Variants in SLC8A1 observed in about 807,000 individuals in gnomAD.
SLC8A1 encodes sodium/calcium exchanger 1.
In SLC8A1, 18 loss-of-function variants were observed where a neutral mutation model predicts 68.3. The observed-to-expected ratio is 0.26, with a 90% confidence interval of 0.18 to 0.39. The LOEUF is 0.39. SLC8A1 is among the 10% of genes least tolerant of loss of function. The pLI, the probability that SLC8A1 is intolerant of heterozygous loss-of-function variation, is 1.00. For synonymous variants in SLC8A1, 475 were observed against 415.5 expected, an observed-to-expected ratio of 1.14 and a Z score of -1.74; for missense variants, 985 against 1,156.7, an observed-to-expected ratio of 0.85 and a Z score of 2.15.
At chr2:40,247,820 T>G (rs534726682) in intron 2 of SLC8A1, among the ~76,000 whole-genome samples, 90 of 152,194 alleles carry the variant, frequency 5.9e-4, no homozygotes, top group Non-Finnish European at 1.2e-3. Flanking sequence ...AGAAGTTAAG[T>G]GACTTTCTGA....
chr2:40,141,898 T>C (rs993686225), intron 6 of SLC8A1, among the ~76,000 whole-genome samples: 4 of 152,042 alleles, frequency 2.6e-5, no homozygotes, highest in African/African-American at 9.7e-5. Context: ...ACCATGTGAG[T>C]GTCCAGTGAG....
intron 1 of SLC8A1, among the ~76,000 whole-genome samples, chr2:40,450,246 G>T (rs1702185931): frequency 6.6e-6 from 1 of 151,978 alleles, no homozygotes; most frequent in Non-Finnish European, 1.5e-5. Context: ...TCCCTCTTCC[G>T]GCTTTGTCTT....
At chr2:40,229,971 A>G (rs894655890) in intron 2 of SLC8A1, among the ~76,000 whole-genome samples, 11 of 152,140 alleles carry the variant, frequency 7.2e-5, no homozygotes, top group African/African-American at 2.7e-4. Flanking sequence ...TTGTTCTATG[A>G]AAAATCTTAG....
intron 7 of SLC8A1, among the ~76,000 whole-genome samples, chr2:40,131,320 C>T (rs550365687): frequency 5.8e-4 from 88 of 152,224 alleles, no homozygotes; most frequent in Non-Finnish European, 9.7e-4. Flanking sequence ...TGCATAACTT[C>T]TCTGAGACAG....
intron 1 of SLC8A1, among the ~76,000 whole-genome samples, chr2:40,483,642 A>G (rs1704780958): frequency 6.6e-6 from 1 of 152,194 alleles, no homozygotes; most frequent in Non-Finnish European, 1.5e-5. Context: ...GTGAGGCCAC[A>G]TGACTAGGTT....
chr2:40,346,141 G>C (rs892967381), intron 2 of SLC8A1, among the ~76,000 whole-genome samples: 4 of 147,750 alleles, frequency 2.7e-5, no homozygotes, highest in Non-Finnish European at 5.9e-5. Flanking sequence ...GAACCAGAAA[G>C]AGTTTAAGAC....
intron 2 of SLC8A1, among the ~76,000 whole-genome samples, chr2:40,242,226 T>G (rs1419868745): frequency 6.6e-6 from 1 of 152,134 alleles, no homozygotes; most frequent in African/African-American, 2.4e-5. Flanking sequence ...CATTAGAATT[T>G]TACCACAAGC....
exon 8 of SLC8A1, chr2:40,103,882 C>T (rs1019395587): frequency 6.6e-6 from 1 of 152,176 alleles, no homozygotes; most frequent in African/African-American, 2.4e-5. Flanking sequence ...CCAATATGGG[C>T]AGCAGCTGGC....
chr2:40,370,323 T>A (rs975636368), intron 2 of SLC8A1, among the ~76,000 whole-genome samples: 2 of 152,074 alleles, frequency 1.3e-5, no homozygotes, highest in Non-Finnish European at 2.9e-5. Context: ...CCCTAGGGAA[T>A]CAATTTACAT....
At chr2:40,259,245 G>T (rs2064359757) in intron 2 of SLC8A1, among the ~76,000 whole-genome samples, 1 of 146,022 alleles carries the variant, frequency 6.8e-6, no homozygotes, top group Non-Finnish European at 1.5e-5. Flanking sequence ...TTCCAAGGAT[G>T]GAGATAATAG....
chr2:40,267,988 G>T (rs1315936898), intron 2 of SLC8A1, among the ~76,000 whole-genome samples: 1 of 152,122 alleles, frequency 6.6e-6, no homozygotes, highest in African/African-American at 2.4e-5. Context: ...AGTGGGATGA[G>T]AAGAAGAAGG....
intron 6 of SLC8A1, among the ~76,000 whole-genome samples, chr2:40,139,956 A>G (rs2041244040): frequency 6.6e-6 from 1 of 152,198 alleles, no homozygotes; most frequent in Non-Finnish European, 1.5e-5. Flanking sequence ...CTACTTTCAC[A>G]TCTGGTAAGA....
intron 2 of SLC8A1, among the ~76,000 whole-genome samples, chr2:40,279,434 C>A (rs1245992922): frequency 6.6e-6 from 1 of 152,080 alleles, no homozygotes; most frequent in East Asian, 1.9e-4. Context: ...AGAAAAAATT[C>A]CTTAAACTAG....
intron 2 of SLC8A1, among the ~76,000 whole-genome samples, chr2:40,207,373 G>A (rs2055654130): frequency 6.6e-6 from 1 of 151,880 alleles, no homozygotes; most frequent in African/African-American, 2.4e-5. Context: ...GAATGACAAA[G>A]ATACTGGCTT....
intron 2 of SLC8A1, among the ~76,000 whole-genome samples, chr2:40,280,839 A>C (rs919028427): frequency 6.6e-6 from 1 of 152,218 alleles, no homozygotes; most frequent in African/African-American, 2.4e-5. Flanking sequence ...CTAGGCAGGA[A>C]GAATGTTTTG....
At chr2:40,360,475 C>T (rs1360272339) in intron 2 of SLC8A1, among the ~76,000 whole-genome samples, 2 of 152,116 alleles carry the variant, frequency 1.3e-5, no homozygotes, top group Non-Finnish European at 2.9e-5. Flanking sequence ...TATCCTCTAC[C>T]TTATTGAATA....
chr2:40,179,319 A>G (rs1019920144), intron 2 of SLC8A1, among the ~76,000 whole-genome samples: 27 of 152,270 alleles, frequency 1.8e-4, no homozygotes, highest in African/African-American at 6.5e-4. Context: ...CCGATACACC[A>G]AGGTGTTTTG....
chr2:40,357,096 T>A (rs1222526763), intron 2 of SLC8A1, among the ~76,000 whole-genome samples: 2 of 152,194 alleles, frequency 1.3e-5, no homozygotes, highest in Non-Finnish European at 2.9e-5. Flanking sequence ...AGGAGGCACA[T>A]GAAAGAGAGT....
chr2:40,209,475 A>G (rs547044293), intron 2 of SLC8A1, among the ~76,000 whole-genome samples: 157 of 152,278 alleles, frequency 1.0e-3, no homozygotes, highest in African/African-American at 3.6e-3. Flanking sequence ...TGGGCCATGT[A>G]GACTCTTGAA....
Sources: gnomAD v4.1 joint callset for allele counts (sites outside exome capture counted in the v4.1 genomes callset) on GRCh38, gnomAD v4.1.1 for gene constraint, MANE v1.5 for transcripts, NCBI Gene and HGNC (gene_info 2026-07-23, HGNC 2026-07-21) for gene names.